The following KDM6A variants were observed in gnomAD, a reference collection of about 807,000 sequenced individuals.
KDM6A encodes the protein lysine demethylase 6A.
KDM6A carries 11 observed loss-of-function variants against 117.6 expected under a neutral mutation model. That is an observed-to-expected ratio of 0.09 (90% CI 0.06 to 0.15). The LOEUF (loss-of-function observed/expected upper bound fraction) is 0.15, where lower values mean the gene tolerates loss of function less well. Among genes scored for constraint, KDM6A ranks in the 10% least tolerant of loss-of-function variants. The pLI is 1.00. For missense variants in KDM6A, 799 were observed against 1,077.3 expected (o/e 0.74, Z 3.62); for synonymous variants, 384 against 396.1 (o/e 0.97, Z 0.36).
rs748897062 is a variant in KDM6A at position 44,952,096 on chromosome X, T to A, written c.226-9188T>A. Among the ~76,000 whole-genome samples the A allele has an allele frequency of 6.3e-5, 7 of 111,922 alleles. No individual in the cohort carries two copies. In the Admixed American group the frequency reaches 6.7e-4, roughly 11 times the overall value. ...AGTATTTTGCAATAGCAAAGTGTTT[T>A]AAATAGTTTATTTGAAAAGAATGGT... On this transcript the variant is annotated intron_variant, in intron 2 of 29. Transcript: ENST00000611820.
In KDM6A at chrX:45,060,657, C is replaced by G; in HGVS notation, c.1378C>G (p.Gln460Glu). ...PNTEPVLGLS[Q>E]TPISQQSLPL... is the part of the protein sequence containing the mutation. Reference sequence around the variant, plus strand: ...TACTGAACCTGTATTAGGCCTCAGTCAAACACCAATTTCACAGCAATCCTT... The same window carrying G: ...TACTGAACCTGTATTAGGCCTCAGTGAAACACCAATTTCACAGCAATCCTT... Residue 460 changes from glutamine to glutamate, a missense_variant, in exon 14 of 30, where the codon CAA becomes GAA. This residue lies in a region of KDM6A where 301 missense variants were observed against 318.3 expected (regional missense o/e 0.95). Transcript: ENST00000611820. 1 of 1,071,105 alleles carries G rather than the reference C, an allele frequency of 9.3e-7. No homozygotes were observed. The highest frequency in any genetic ancestry group is 1.2e-6 in the Non-Finnish European group (1 of 811,037). The allele number at this position is 1,071,105 out of a possible 1,213,427, so 88.3% of individuals were successfully genotyped here. A position where few individuals can be genotyped will look rare whatever the true frequency, so the allele number is the denominator to read the frequency against.
chrX:44,897,370 T>C (rs1259240176), intron 2 of KDM6A, among the ~76,000 whole-genome samples: 1 of 109,656 alleles, frequency 9.1e-6, no homozygotes, highest in Non-Finnish European at 1.9e-5. Flanking sequence ...TGCAATTGCT[T>C]GTTGAAGCGT....
At chrX:45,007,414 A>G (rs2041551223) in intron 4 of KDM6A, among the ~76,000 whole-genome samples, 2 of 112,236 alleles carry the variant, frequency 1.8e-5, no homozygotes, top group South Asian at 3.7e-4. Context: ...TAAATAATGT[A>G]AAAAAGACTG....
chrX:44,956,769 A>G (rs972712702), intron 2 of KDM6A, among the ~76,000 whole-genome samples: 2 of 111,196 alleles, frequency 1.8e-5, no homozygotes, highest in African/African-American at 6.6e-5. Flanking sequence ...CCCTTAATCT[A>G]TTTTAAGGAG....
intron 27 of KDM6A, among the ~76,000 whole-genome samples, chrX:45,102,445 T>C (rs1286680985): frequency 1.8e-5 from 2 of 112,101 alleles, no homozygotes; most frequent in Admixed American, 1.9e-4. Context: ...AAGTATTAAC[T>C]CCCTTTTCTC....
intron 21 of KDM6A, among the ~76,000 whole-genome samples, chrX:45,080,024 G>A (rs1362235898): frequency 1.8e-5 from 2 of 111,296 alleles, no homozygotes; most frequent in Non-Finnish European, 3.8e-5. Context: ...TGTTGTGGGG[G>A]GACTGTCCTG....
At chrX:44,900,127 G>A (rs974604009) in intron 2 of KDM6A, among the ~76,000 whole-genome samples, 1 of 112,378 alleles carries the variant, frequency 8.9e-6, no homozygotes, top group African/African-American at 3.2e-5. Context: ...CCATCAAACA[G>A]CAGTTACTCT....
intron 2 of KDM6A, among the ~76,000 whole-genome samples, chrX:44,874,725 G>A (rs1478986691): frequency 2.0e-5 from 2 of 100,523 alleles, no homozygotes; most frequent in Non-Finnish European, 4.0e-5. Context: ...ATTTAGTTAA[G>A]TAATGGCTGC....
chrX:44,988,182 T>C (rs1320975844), intron 4 of KDM6A, among the ~76,000 whole-genome samples: 1 of 112,096 alleles, frequency 8.9e-6, no homozygotes. Context: ...TGATACCCTT[T>C]CTTCCAGTTG....
intron 2 of KDM6A, among the ~76,000 whole-genome samples, chrX:44,920,035 G>C (rs781221725): frequency 1.8e-5 from 2 of 112,445 alleles, no homozygotes; most frequent in South Asian, 7.2e-4. Flanking sequence ...TGTATGATTT[G>C]AATCTTTTCA....
At chrX:45,044,519 C>G (rs935875702) in intron 8 of KDM6A, among the ~76,000 whole-genome samples, 7 of 111,651 alleles carry the variant, frequency 6.3e-5, no homozygotes, top group Admixed American at 3.8e-4. Context: ...GCATCTACTC[C>G]CCTCCCTAAA....
chrX:44,891,574 C>T (rs1243093478), intron 2 of KDM6A, among the ~76,000 whole-genome samples: 1 of 112,023 alleles, frequency 8.9e-6, no homozygotes, highest in African/African-American at 3.3e-5. Context: ...TTTTCCGGTG[C>T]TGTAAAGAAA....
At chrX:45,005,781 A>G (rs990635762) in intron 4 of KDM6A, among the ~76,000 whole-genome samples, 1 of 108,882 alleles carries the variant, frequency 9.2e-6, no homozygotes, top group African/African-American at 3.4e-5. Flanking sequence ...TCAAGGTTCA[A>G]TTTCCCTTAC....
At chrX:44,892,184 A>T (rs1022677910) in intron 2 of KDM6A, among the ~76,000 whole-genome samples, 3 of 112,434 alleles carry the variant, frequency 2.7e-5, no homozygotes, top group African/African-American at 9.7e-5. Flanking sequence ...TTCTTTGTCA[A>T]GGTTGATTTA....
At chrX:44,915,323 A>G (rs1007829600) in intron 2 of KDM6A, among the ~76,000 whole-genome samples, 4 of 112,133 alleles carry the variant, frequency 3.6e-5, no homozygotes, top group Non-Finnish European at 7.5e-5. Context: ...CTCTGTTCCA[A>G]TGCTGGAAAA....
intron 29 of KDM6A, among the ~76,000 whole-genome samples, chrX:45,110,527 A>G (rs1055271014): frequency 8.9e-6 from 1 of 111,760 alleles, no homozygotes; most frequent in African/African-American, 3.3e-5. Flanking sequence ...TAGATAGAAC[A>G]CTATCATATC....
chrX:44,912,175 G>A (rs2035246137), intron 2 of KDM6A, among the ~76,000 whole-genome samples: 2 of 110,617 alleles, frequency 1.8e-5, no homozygotes, highest in South Asian at 7.8e-4. Context: ...TGCAACCTTC[G>A]CCTCCCAGGT....
intron 8 of KDM6A, among the ~76,000 whole-genome samples, chrX:45,039,050 T>C (rs1301863767): frequency 9.0e-6 from 1 of 111,645 alleles, no homozygotes; most frequent in African/African-American, 3.3e-5. Context: ...TTATAGGATG[T>C]AATCAGACAG....
chrX:45,047,179 AT>A (rs1181485779), intron 8 of KDM6A, among the ~76,000 whole-genome samples: 1 of 106,667 alleles, frequency 9.4e-6, no homozygotes, highest in Admixed American at 1.0e-4. Flanking sequence ...GTGCTCAGAT[AT>A]TTTTTTTCTT....
Sources: gnomAD v4.1 joint callset for allele counts (sites outside exome capture counted in the v4.1 genomes callset) on GRCh38, gnomAD v4.1.1 for gene constraint, gnomAD v4.1.1 regional missense constraint, MANE v1.5 for transcripts, NCBI Gene and HGNC (gene_info 2026-07-23, HGNC 2026-07-21) for gene names.